BST1: variants seen among roughly 807,000 people sequenced by gnomAD.
The protein encoded by BST1 is bone marrow stromal cell antigen 1, also known as ADP-ribosyl cyclase/cyclic ADP-ribose hydrolase 2.
BST1 carries 49 observed loss-of-function variants against 40.6 expected under a neutral mutation model. That is an observed-to-expected ratio of 1.21 (90% CI 0.96 to 1.53). BST1 has a LOEUF of 1.53. Among genes scored for constraint, BST1 ranks in the 40% most tolerant of loss-of-function variants. BST1 has a pLI of 0.00. For missense variants in BST1, 423 were observed against 395.9 expected, an observed-to-expected ratio of 1.07 and a Z score of -0.58; for synonymous variants, 157 against 159.3, an observed-to-expected ratio of 0.99 and a Z score of 0.11.
rs1306319024 is a variant in BST1 at position 15,732,067 on chromosome 4, G to A, written c.*222G>A. 1 of 1,246,554 alleles carries A rather than the reference G, an allele frequency of 8.0e-7. No homozygotes were observed. Among genetic ancestry groups the A allele is most frequent in the East Asian group, 3.6e-5 (1 of 27,626 alleles). 77.2% of individuals were successfully genotyped at this position (1,246,554 alleles called of 1,614,324 possible). A position where few individuals can be genotyped will look rare whatever the true frequency, so the allele number is the denominator to read the frequency against. On this transcript the variant is annotated 3_prime_UTR_variant, in exon 9 of 9. Transcript: ENST00000265016. The stretch of plus-strand genomic sequence containing the variant: ...TAAAAAATGCTGCATTAGAATTAAA[G>A]CAAGTTATTTTCTTATTTGTATAAT...
At chr4:15,714,596 A>G (rs1720406214) in intron 4 of BST1, among the ~76,000 whole-genome samples, 1 of 152,210 alleles carries the variant, frequency 6.6e-6, no homozygotes, top group Non-Finnish European at 1.5e-5. Context: ...GTTGTTGAGT[A>G]TTCTGTATTA....
At chr4:15,745,523 T>G in the BST1 span, among the ~76,000 whole-genome samples, 1 of 152,334 alleles carries the variant, frequency 6.6e-6, no homozygotes, top group East Asian at 1.9e-4. Context: ...CCAGGTAATA[T>G]GACTGAAATG....
chr4:15,773,685 A>T, the BST1 span, among the ~76,000 whole-genome samples: 1 of 152,196 alleles, frequency 6.6e-6, no homozygotes, highest in Non-Finnish European at 1.5e-5. Context: ...AGCCCCAGCT[A>T]CTCAGGAGAC....
chr4:15,731,494 T>G (rs1325906011), intron 8 of BST1: 1 of 995,274 alleles, frequency 1.0e-6, no homozygotes, highest in Non-Finnish European at 1.6e-6. Flanking sequence ...CGCTTGTCCT[T>G]CTGGGGAGTC....
the BST1 span, among the ~76,000 whole-genome samples, chr4:15,765,740 A>G: frequency 6.6e-6 from 1 of 151,746 alleles, no homozygotes; most frequent in Non-Finnish European, 1.5e-5. Flanking sequence ...TCAGATTCTT[A>G]CCCAAGTGCC....
At chr4:15,734,181 A>G (rs1721482543), downstream of BST1, among the ~76,000 whole-genome samples, 1 of 152,186 alleles carries the variant, frequency 6.6e-6, no homozygotes, top group Non-Finnish European at 1.5e-5. Context: ...GTGGGGGTTG[A>G]GAATGATCAG....
At chr4:15,761,921 C>T in the BST1 span, among the ~76,000 whole-genome samples, 2 of 151,766 alleles carry the variant, frequency 1.3e-5, no homozygotes, top group Non-Finnish European at 2.9e-5. Context: ...TTAATTCGGC[C>T]GGGCGCGGTG....
intron 3 of BST1, among the ~76,000 whole-genome samples, chr4:15,707,855 C>CTCTCTCTCTA (rs544633858): frequency 0.025 from 3,196 of 127,986 alleles, 46 homozygotes; most frequent in Non-Finnish European, 0.035. Context: ...CTCTCTCTCT[C>CTCTCTCTCTA]TATATATATA....
chr4:15,732,800 GAATTGTGACAA>G (rs1721431547), downstream of BST1: 2 of 152,326 alleles, frequency 1.3e-5, no homozygotes, highest in South Asian at 2.1e-4. Context: ...TCTGTGTCCA[GAATTGTGACAA>G]AATTGTGACA....
At chr4:15,739,337 A>G (rs1256365250), downstream of BST1, among the ~76,000 whole-genome samples, 1 of 152,072 alleles carries the variant, frequency 6.6e-6, no homozygotes, top group African/African-American at 2.4e-5. Context: ...GTATTAAATC[A>G]CTCCGCTTAG....
At chr4:15,707,872 T>TACAC (rs1719979374) in intron 3 of BST1, among the ~76,000 whole-genome samples, 1 of 146,356 alleles carries the variant, frequency 6.8e-6, no homozygotes, top group African/African-American at 2.5e-5. Context: ...TATATATATA[T>TACAC]ATACACATAT....
intron 7 of BST1, among the ~76,000 whole-genome samples, 176 bp from the exon 8 acceptor site, chr4:15,722,699 C>T (rs1018299777): frequency 5.3e-5 from 8 of 150,490 alleles, no homozygotes; most frequent in African/African-American, 2.0e-4. Context: ...TCCCAAAGTG[C>T]TGGGATTACA....
chr4:15,711,767 A>C, intron 3 of BST1, 40 bp from the exon 4 acceptor site: 2 of 1,461,492 alleles, frequency 1.4e-6, no homozygotes, highest in East Asian at 2.3e-5. Context: ...TGAGATAGAT[A>C]ATCTTTGGAA....
intron 1 of BST1, chr4:15,704,814 G>C: frequency 1.4e-6 from 1 of 699,514 alleles, no homozygotes; most frequent in African/African-American, 1.8e-5. Flanking sequence ...GGTCTTTCTT[G>C]CCAGTGCTGC....
downstream of BST1, chr4:15,743,294 G>A (rs1427079696): frequency 9.9e-6 from 3 of 301,864 alleles, no homozygotes; most frequent in African/African-American, 2.3e-5. Flanking sequence ...CAGACATACC[G>A]ACCAAACAGC....
chr4:15,731,157 G>A, intron 8 of BST1: 1 of 402,500 alleles, frequency 2.5e-6, no homozygotes, highest in Non-Finnish European at 4.7e-6. Flanking sequence ...TCTTCATGTG[G>A]AAATTGATTA....
At chr4:15,746,830 G>A in the BST1 span, among the ~76,000 whole-genome samples, 1 of 152,110 alleles carries the variant, frequency 6.6e-6, no homozygotes, top group African/African-American at 2.4e-5. Flanking sequence ...TCACAGCATG[G>A]GTGCTGATAA....
intron 8 of BST1, among the ~76,000 whole-genome samples, chr4:15,727,035 G>A (rs761677401): frequency 6.6e-6 from 1 of 152,024 alleles, no homozygotes; most frequent in Non-Finnish European, 1.5e-5. Flanking sequence ...GCAGTGTCAG[G>A]CTTCCAGCTG....
intron 8 of BST1, among the ~76,000 whole-genome samples, chr4:15,725,021 G>A (rs1313568520): frequency 1.3e-5 from 2 of 152,096 alleles, no homozygotes; most frequent in African/African-American, 4.8e-5. Flanking sequence ...AAGGAAGCCG[G>A]GTGCCTCTGT....
Sources: allele counts gnomAD v4.1 joint callset (sites outside exome capture counted in the v4.1 genomes callset), GRCh38; gene constraint gnomAD v4.1.1; transcripts MANE v1.5; gene names NCBI Gene and HGNC (gene_info 2026-07-23, HGNC 2026-07-21).